Variants in GMDS observed in about 807,000 individuals in gnomAD.
The protein encoded by GMDS is GDP-mannose 4,6-dehydratase.
GMDS carries 20 observed loss-of-function variants against 49.9 expected under a neutral mutation model. The observed-to-expected ratio is 0.40, with a 90% confidence interval of 0.28 to 0.58. The LOEUF is 0.58. GMDS is among the 20% of genes least tolerant of loss of function. The pLI, the probability that GMDS is intolerant of heterozygous loss-of-function variation, is 0.42. For missense variants in GMDS, 362 were observed against 481.4 expected, an observed-to-expected ratio of 0.75 and a Z score of 2.32; for synonymous variants, 177 against 178.6, an observed-to-expected ratio of 0.99 and a Z score of 0.07.
intron 7 of GMDS, among the ~76,000 whole-genome samples, chr6:1,877,272 G>C (rs1464516113): frequency 6.6e-6 from 1 of 152,054 alleles, no homozygotes; most frequent in African/African-American, 2.4e-5. Flanking sequence ...ACCTTCTTCT[G>C]TCAAGTCTTC....
chr6:1,710,509 G>A (rs1210299277), intron 9 of GMDS, among the ~76,000 whole-genome samples: 2 of 152,214 alleles, frequency 1.3e-5, no homozygotes, highest in Non-Finnish European at 2.9e-5. Flanking sequence ...TCAGAGAACT[G>A]TGTAGGGACA....
intron 4 of GMDS, among the ~76,000 whole-genome samples, chr6:2,067,204 C>A (rs1034254382): frequency 4.6e-5 from 7 of 152,158 alleles, no homozygotes; most frequent in African/African-American, 7.2e-5. Flanking sequence ...TAAAGATGTT[C>A]TTTGAAACCA....
chr6:2,138,143 G>A (rs1209514997), intron 1 of GMDS, among the ~76,000 whole-genome samples: 1 of 151,482 alleles, frequency 6.6e-6, no homozygotes, highest in African/African-American at 2.4e-5. Context: ...TGTTATTTTT[G>A]GCAAAAAAAA....
At chr6:1,731,016 C>A (rs188994425) in intron 8 of GMDS, among the ~76,000 whole-genome samples, 1 of 152,098 alleles carries the variant, frequency 6.6e-6, no homozygotes, top group Non-Finnish European at 1.5e-5. Flanking sequence ...CCACCTTTGA[C>A]GTCCTCAGAC....
At position 2,231,027 on chromosome 6, in the gene GMDS, AG is replaced by A. The variant is rs538686766; in HGVS notation, c.102+14293del. Among the ~76,000 whole-genome samples the A allele has an allele frequency of 2.6e-4, 39 of 147,720 alleles. 1 individual carries two copies. The highest frequency in any genetic ancestry group is 8.0e-4 in the African/African-American group (32 of 40,082). On this transcript the variant is annotated intron_variant, in intron 1 of 10. Coordinates refer to ENST00000380815, the MANE Select transcript of GMDS (RefSeq NM_001500.4). ...ATGCCTAAGTCAACATTATAAGGAC[AG>A]GGGGACAAGAAAGAGTGCCTGGTCA... is the stretch of plus-strand genomic sequence containing the variant.
At chr6:1,974,951 T>C (rs1393772533) in intron 4 of GMDS, among the ~76,000 whole-genome samples, 3 of 151,236 alleles carry the variant, frequency 2.0e-5, no homozygotes, top group East Asian at 2.0e-4. Flanking sequence ...GGCAGGAGAA[T>C]TGCTTGAACC....
intron 9 of GMDS, among the ~76,000 whole-genome samples, chr6:1,659,099 C>T (rs953021937): frequency 3.9e-5 from 6 of 152,062 alleles, no homozygotes; most frequent in Admixed American, 3.3e-4. Context: ...GTATGCAGTT[C>T]CTGCTATTCC....
intron 9 of GMDS, among the ~76,000 whole-genome samples, chr6:1,684,522 G>A (rs1002638942): frequency 6.6e-6 from 1 of 152,164 alleles, no homozygotes; most frequent in Non-Finnish European, 1.5e-5. Context: ...GAAAAGGAAC[G>A]AACAGACACA....
At chr6:1,899,077 T>C (rs886693359) in intron 7 of GMDS, among the ~76,000 whole-genome samples, 10 of 152,362 alleles carry the variant, frequency 6.6e-5, no homozygotes, top group Admixed American at 5.2e-4. Context: ...AGAATAAAGT[T>C]AGAAAGAAAG....
intron 4 of GMDS, among the ~76,000 whole-genome samples, chr6:2,016,706 T>C (rs925690048): frequency 4.6e-5 from 7 of 151,832 alleles, no homozygotes; most frequent in African/African-American, 1.7e-4. Context: ...TTTAAAAGGA[T>C]CGAAATAACA....
intron 4 of GMDS, among the ~76,000 whole-genome samples, chr6:2,087,731 G>T (rs1248026295): frequency 6.6e-6 from 1 of 152,172 alleles, no homozygotes; most frequent in Non-Finnish European, 1.5e-5. Flanking sequence ...TGAAAAATAA[G>T]TCTTGGACGT....
intron 9 of GMDS, among the ~76,000 whole-genome samples, chr6:1,649,476 A>C (rs1763585662): frequency 6.6e-6 from 1 of 152,230 alleles, no homozygotes; most frequent in African/African-American, 2.4e-5. Context: ...AGCCTATTTC[A>C]GGACACATTT....
chr6:2,049,497 C>A (rs1023484021), intron 4 of GMDS, among the ~76,000 whole-genome samples: 2 of 152,152 alleles, frequency 1.3e-5, no homozygotes, highest in African/African-American at 4.8e-5. Flanking sequence ...TCCCCCAACA[C>A]AAATGTTCAT....
At chr6:2,036,055 T>C (rs1357111940) in intron 4 of GMDS, among the ~76,000 whole-genome samples, 1 of 152,128 alleles carries the variant, frequency 6.6e-6, no homozygotes, top group African/African-American at 2.4e-5. Context: ...TGGGCGACTG[T>C]CTCAGCCGTC....
At chr6:1,631,421 T>G (rs1040490085) in intron 9 of GMDS, among the ~76,000 whole-genome samples, 1 of 152,156 alleles carries the variant, frequency 6.6e-6, no homozygotes, top group Non-Finnish European at 1.5e-5. Flanking sequence ...CTGAATTGCA[T>G]AAGAGGAAGG....
At chr6:2,093,345 A>G (rs1773424306) in intron 4 of GMDS, among the ~76,000 whole-genome samples, 1 of 152,186 alleles carries the variant, frequency 6.6e-6, no homozygotes, top group South Asian at 2.1e-4. Context: ...TTTTTGCATT[A>G]TGCATTCTGT....
chr6:1,630,046 A>G (rs1342082778), intron 9 of GMDS, among the ~76,000 whole-genome samples: 1 of 152,242 alleles, frequency 6.6e-6, no homozygotes, highest in Admixed American at 6.5e-5. Context: ...GTATAGTGCA[A>G]CCTACATATA....
chr6:1,704,254 T>G (rs1765642358), intron 9 of GMDS, among the ~76,000 whole-genome samples: 2 of 140,290 alleles, frequency 1.4e-5, no homozygotes, highest in South Asian at 2.3e-4. Flanking sequence ...ACCGCAGGGG[T>G]GGGGGCAGCC....
At chr6:2,218,418 C>T (rs773323243) in intron 1 of GMDS, among the ~76,000 whole-genome samples, 10 of 152,036 alleles carry the variant, frequency 6.6e-5, no homozygotes, top group Non-Finnish European at 8.8e-5. Flanking sequence ...CTTTGACCAC[C>T]GGAAGTGAAA....
Sources: allele counts gnomAD v4.1 joint callset (sites outside exome capture counted in the v4.1 genomes callset), GRCh38; gene constraint gnomAD v4.1.1; transcripts MANE v1.5; gene names NCBI Gene and HGNC (gene_info 2026-07-23, HGNC 2026-07-21).